PPP1R12B: variants seen among roughly 807,000 people sequenced by gnomAD.
PPP1R12B encodes protein phosphatase 1 regulatory subunit 12B.
Under a neutral mutation model 126.1 loss-of-function variants are expected in PPP1R12B, and 76 were observed. The observed-to-expected ratio is 0.60, with a 90% CI of 0.50 to 0.73. PPP1R12B has a LOEUF of 0.73. Ranked by LOEUF, PPP1R12B falls within the 30% of genes least tolerant of loss-of-function variation. The pLI, the probability that PPP1R12B is intolerant of heterozygous loss-of-function variation, is 0.00. For synonymous variants in PPP1R12B, 356 were observed against 434.7 expected, an observed-to-expected ratio of 0.82 and a Z score of 2.25; for missense variants, 1,052 against 1,205.1, an observed-to-expected ratio of 0.87 and a Z score of 1.88.
intron 18 of PPP1R12B, chr1:202,540,211 A>G (rs761166389): frequency 1.1e-5 from 18 of 1,609,932 alleles, no homozygotes; most frequent in South Asian, 3.3e-5. Context: ...CTCCCCCAGC[A>G]TCTCCCTCCC....
chr1:202,548,814 A>C (rs202076166), intron 18 of PPP1R12B, among the ~76,000 whole-genome samples: 7,286 of 91,834 alleles, frequency 0.079, 216 homozygotes, highest in African/African-American at 0.13. Context: ...CTCTCTATAT[A>C]TATATATATA....
At position 202,590,012 on chromosome 1, in the gene PPP1R12B, G is replaced by A. The variant is rs1690043597; in HGVS notation, c.*9452G>A. On this transcript the variant is annotated 3_prime_UTR_variant, in exon 24 of 24. Transcript: ENST00000608999. ...GAAGAAGGAGTTTTACTCTTCCCTG[G>A]TCTTTGGGGGCAATGCTGTCCCACT... is the stretch of plus-strand genomic sequence containing the variant. 1 of 152,126 alleles carries A rather than the reference G, an allele frequency of 6.6e-6. No individual in the cohort carries two copies. Among genetic ancestry groups the A allele is most frequent in the Non-Finnish European group, 1.5e-5 (1 of 68,032 alleles). 9.4% of individuals were successfully genotyped at this position (152,126 alleles called of 1,614,324 possible).
chr1:202,538,326 G>A (rs1684762628), intron 18 of PPP1R12B, among the ~76,000 whole-genome samples: 1 of 152,160 alleles, frequency 6.6e-6, no homozygotes, highest in South Asian at 2.1e-4. Flanking sequence ...CTGTATTCTG[G>A]TTTATGATAG....
chr1:202,427,293 A>G, intron 5 of PPP1R12B, 109 bp downstream of exon 5: 1 of 1,457,798 alleles, frequency 6.9e-7, no homozygotes, highest in Non-Finnish European at 9.3e-7. Context: ...TGAAATATAC[A>G]TCACTGGTAG....
At chr1:202,484,295 C>G (rs527597141) in intron 13 of PPP1R12B, among the ~76,000 whole-genome samples, 4 of 152,072 alleles carry the variant, frequency 2.6e-5, no homozygotes, top group Non-Finnish European at 5.9e-5. Context: ...TTCTTTCTTT[C>G]TTTGTGGCTA....
At chr1:202,429,295 T>A (rs188237956) in intron 6 of PPP1R12B, among the ~76,000 whole-genome samples, 102 of 152,346 alleles carry the variant, frequency 6.7e-4, no homozygotes, top group Admixed American at 4.5e-3. Flanking sequence ...TTCTTTTTCT[T>A]ATTGACTAAA....
intron 1 of PPP1R12B, among the ~76,000 whole-genome samples, chr1:202,367,830 G>A (rs1013646098): frequency 6.6e-6 from 1 of 152,114 alleles, no homozygotes; most frequent in African/African-American, 2.4e-5. Context: ...TCTGTCCCCC[G>A]CAAATCTCAT....
At chr1:202,353,072 GAT>G (rs1656332554) in intron 1 of PPP1R12B, among the ~76,000 whole-genome samples, 3 of 152,312 alleles carry the variant, frequency 2.0e-5, no homozygotes, top group African/African-American at 7.2e-5. Context: ...CAGGAAGAGA[GAT>G]GGAGATAGGA....
chr1:202,379,057 G>A, intron 1 of PPP1R12B, among the ~76,000 whole-genome samples: 1 of 152,032 alleles, frequency 6.6e-6, no homozygotes, highest in East Asian at 1.9e-4. Flanking sequence ...ATGATGTCGA[G>A]ATCTGTCTGA....
At chr1:202,498,779 G>A (rs1395692878) in intron 18 of PPP1R12B, among the ~76,000 whole-genome samples, 1 of 152,150 alleles carries the variant, frequency 6.6e-6, no homozygotes, top group Non-Finnish European at 1.5e-5. Flanking sequence ...AAATGAGCCA[G>A]TTAAAGCGGA....
chr1:202,509,383 GTC>G (rs976984830), intron 18 of PPP1R12B, among the ~76,000 whole-genome samples: 3 of 152,140 alleles, frequency 2.0e-5, no homozygotes, highest in Non-Finnish European at 2.9e-5. Context: ...TTTAAATATA[GTC>G]TCTCTGTTAT....
chr1:202,575,429 T>G, intron 23 of PPP1R12B: 1 of 362,614 alleles, frequency 2.8e-6, no homozygotes, highest in Non-Finnish European at 5.1e-6. Flanking sequence ...GAGTATGAAT[T>G]TGTTCACTCA....
At chr1:202,561,040 A>G (rs562938434) in intron 19 of PPP1R12B, among the ~76,000 whole-genome samples, 1 of 151,964 alleles carries the variant, frequency 6.6e-6, no homozygotes, top group African/African-American at 2.4e-5. Context: ...AAAAAAAATA[A>G]AAGCCCTACT....
intron 10 of PPP1R12B, chr1:202,438,567 T>A: frequency 2.2e-6 from 1 of 450,114 alleles, no homozygotes; most frequent in Non-Finnish European, 4.2e-6. Context: ...TGGAAGAGGC[T>A]GAACAGCCTG....
At chr1:202,438,180 A>G (rs1022043001) in intron 10 of PPP1R12B, 156 bp downstream of exon 10, 12 of 1,559,512 alleles carry the variant, frequency 7.7e-6, no homozygotes, top group South Asian at 4.7e-5. Flanking sequence ...AGTTTATTCA[A>G]GTAGCTATTT....
chr1:202,564,042 A>C (rs566038216), intron 20 of PPP1R12B, among the ~76,000 whole-genome samples: 2 of 152,354 alleles, frequency 1.3e-5, no homozygotes, highest in South Asian at 4.1e-4. Flanking sequence ...CCTGGGTAAC[A>C]GAGCAAGACC....
intron 18 of PPP1R12B, among the ~76,000 whole-genome samples, chr1:202,503,761 T>C (rs1680496505): frequency 6.6e-6 from 1 of 152,044 alleles, no homozygotes; most frequent in South Asian, 2.1e-4. Flanking sequence ...ATAGGCAGTT[T>C]TATCATTGTT....
chr1:202,448,889 C>G (rs1558241477), intron 12 of PPP1R12B, 100 bp from the exon 13 acceptor site: 6 of 1,272,124 alleles, frequency 4.7e-6, no homozygotes, highest in Non-Finnish European at 6.6e-6. Flanking sequence ...GCGAGATTTC[C>G]TAGATGAACC....
chr1:202,449,617 G>A (rs1305296115), intron 13 of PPP1R12B, among the ~76,000 whole-genome samples: 1 of 151,812 alleles, frequency 6.6e-6, no homozygotes, highest in African/African-American at 2.4e-5. Flanking sequence ...TTTTGTCTCT[G>A]AGCAGTCAGT....
Sources: gnomAD v4.1 joint callset for allele counts (sites outside exome capture counted in the v4.1 genomes callset) on GRCh38, gnomAD v4.1.1 for gene constraint, MANE v1.5 for transcripts, NCBI Gene and HGNC (gene_info 2026-07-23, HGNC 2026-07-21) for gene names.